The following KLHL7 variants were observed in gnomAD, a reference collection of about 807,000 sequenced individuals.
The protein encoded by KLHL7 is kelch-like protein 7.
KLHL7 carries 44 observed loss-of-function variants against 67.4 expected under a neutral mutation model. The ratio of observed to expected loss-of-function variants is 0.65; its 90% CI spans 0.51 to 0.84. The LOEUF (loss-of-function observed/expected upper bound fraction) is 0.84. Among genes scored for constraint, KLHL7 ranks in the 40% least tolerant of loss-of-function variants. KLHL7 has a pLI of 0.00. For synonymous variants in KLHL7, 252 were observed against 243.3 expected (o/e 1.04, Z -0.33); for missense variants, 362 against 718.1 (o/e 0.50, Z 5.67).
intron 9 of KLHL7, among the ~76,000 whole-genome samples, chr7:23,171,427 T>C (rs1038933234): frequency 2.0e-5 from 3 of 152,206 alleles, no homozygotes; most frequent in Non-Finnish European, 4.4e-5. Context: ...TGATGATAGC[T>C]GAGTCTATAA....
At chr7:23,155,384 C>T (rs1221953302) in intron 7 of KLHL7, among the ~76,000 whole-genome samples, 1 of 151,980 alleles carries the variant, frequency 6.6e-6, no homozygotes, top group Non-Finnish European at 1.5e-5. Context: ...AATTCTAGGC[C>T]AGGCACGGTG....
intron 1 of KLHL7, among the ~76,000 whole-genome samples, chr7:23,120,269 C>A (rs1783279169): frequency 6.6e-6 from 1 of 152,184 alleles, no homozygotes; most frequent in Non-Finnish European, 1.5e-5. Flanking sequence ...CTCGGCCTTC[C>A]AAAGTGTTTG....
chr7:23,127,635 C>T (rs1388261069), intron 4 of KLHL7, among the ~76,000 whole-genome samples: 1 of 151,924 alleles, frequency 6.6e-6, no homozygotes, highest in Non-Finnish European at 1.5e-5. Context: ...CTGATGGAAT[C>T]GGGCAAAGAT....
At chr7:23,168,548 A>T (rs781687940) in intron 9 of KLHL7, among the ~76,000 whole-genome samples, 4 of 152,228 alleles carry the variant, frequency 2.6e-5, no homozygotes, top group Non-Finnish European at 4.4e-5. Flanking sequence ...AGTGTGTCAA[A>T]AAGGTAAAAT....
chr7:23,170,275 G>C (rs1785119780), intron 9 of KLHL7, among the ~76,000 whole-genome samples: 1 of 152,100 alleles, frequency 6.6e-6, no homozygotes. Flanking sequence ...TTTTTAATAA[G>C]AATTTCTTCC....
At chr7:23,140,732 A>C (rs377335055) in intron 4 of KLHL7, 37 bp from the exon 5 acceptor site, 26 of 1,588,934 alleles carry the variant, frequency 1.6e-5, no homozygotes, top group Middle Eastern at 1.7e-4. Context: ...TTTTCTAAAA[A>C]TGATTTTCTA....
chr7:23,139,406 C>A (rs1784102081), intron 4 of KLHL7, among the ~76,000 whole-genome samples: 1 of 152,108 alleles, frequency 6.6e-6, no homozygotes, highest in Non-Finnish European at 1.5e-5. Flanking sequence ...CTGAAGGCAC[C>A]TTTTGTGATT....
At chr7:23,143,551 A>G (rs1217744428) in intron 5 of KLHL7, among the ~76,000 whole-genome samples, 1 of 151,412 alleles carries the variant, frequency 6.6e-6, no homozygotes, top group East Asian at 1.9e-4. Flanking sequence ...TTTCAGTGCA[A>G]TGTATATCAT....
chr7:23,162,647 G>A (rs919401472), intron 7 of KLHL7, among the ~76,000 whole-genome samples: 7 of 152,326 alleles, frequency 4.6e-5, no homozygotes, highest in African/African-American at 1.4e-4. Flanking sequence ...GATGAATGAA[G>A]CCAAAACTGT....
intron 1 of KLHL7, among the ~76,000 whole-genome samples, chr7:23,110,665 G>A (rs1338947051): frequency 6.6e-6 from 1 of 150,856 alleles, no homozygotes; most frequent in South Asian, 2.1e-4. Context: ...TGCACAATGT[G>A]CAGGTTTGTT....
intron 6 of KLHL7, among the ~76,000 whole-genome samples, chr7:23,146,670 T>TCTTCTTC (rs1562577230): frequency 3.9e-5 from 6 of 151,938 alleles, no homozygotes; most frequent in African/African-American, 1.5e-4. Flanking sequence ...CTTCTTCTTT[T>TCTTCTTC]TTTTTTAATT....
At chr7:23,165,101 TGAGTATCCAGA>T (rs1784962361) in intron 7 of KLHL7, among the ~76,000 whole-genome samples, 1 of 152,224 alleles carries the variant, frequency 6.6e-6, no homozygotes, top group Non-Finnish European at 1.5e-5. Flanking sequence ...GGGTGAAAAG[TGAGTATCCAGA>T]GTACTTAGAA....
chr7:23,116,084 C>T (rs1419911983), intron 1 of KLHL7, among the ~76,000 whole-genome samples: 1 of 152,228 alleles, frequency 6.6e-6, no homozygotes, highest in African/African-American at 2.4e-5. Flanking sequence ...TTGTAGCCAG[C>T]AGTTCTGCAG....
At chr7:23,171,756 C>T (rs1343630478) in intron 9 of KLHL7, among the ~76,000 whole-genome samples, 1 of 152,262 alleles carries the variant, frequency 6.6e-6, no homozygotes, top group East Asian at 1.9e-4. Flanking sequence ...GTCGCCCAGG[C>T]TGCAGTGCAG....
intron 6 of KLHL7, among the ~76,000 whole-genome samples, chr7:23,148,396 A>T (rs868100656): frequency 9.2e-4 from 97 of 105,834 alleles, no homozygotes; most frequent in African/African-American, 4.9e-3. Flanking sequence ...CAAGAAAATT[A>T]AAAAAAAAAA....
chr7:23,145,399 G>A lies in KLHL7; in HGVS notation c.793+1374G>A, dbSNP rs187878559. On this transcript the variant is annotated intron_variant, in intron 6 of 10. Transcript: ENST00000339077. ...ATCACTCTAAAGTAGTCTTTGTAGTGCTTTTGAAGTTTTCTTATGTTGTCT... is the reference window on the plus strand; with the variant it reads ...ATCACTCTAAAGTAGTCTTTGTAGTACTTTTGAAGTTTTCTTATGTTGTCT... Among the ~76,000 whole-genome samples the A allele has an allele frequency of 3.4e-3, 512 of 151,738 alleles. 4 individuals are homozygous for A. The highest frequency in any genetic ancestry group is 0.012 in the African/African-American group (484 of 41,386).
rs1785248088 is a variant in KLHL7 at position 23,174,483 on chromosome 7, C to G, written c.*185C>G. On this transcript the variant is annotated 3_prime_UTR_variant, in exon 11 of 11. Transcript: ENST00000339077. ...CCTTAATTCAAAGATCATATTTTAG[C>G]TGGCCACAAAACCAAGAACATATCT... 1.4e-6 allele frequency: 1 copy of G among 719,810 alleles called. No individual in the cohort carries two copies. The highest frequency in any genetic ancestry group is 2.5e-6 in the Non-Finnish European group (1 of 405,208). 44.6% of individuals were successfully genotyped at this position (719,810 alleles called of 1,614,324 possible). A position where few individuals can be genotyped will look rare whatever the true frequency, so the allele number is the denominator to read the frequency against.
chr7:23,155,673 C>A (rs1317450682), intron 7 of KLHL7, among the ~76,000 whole-genome samples: 11 of 149,750 alleles, frequency 7.3e-5, no homozygotes, highest in Non-Finnish European at 1.5e-4. Context: ...AAAAACAAAA[C>A]AAAACAAAAC....
At chr7:23,117,962 A>G in intron 1 of KLHL7, 1 of 1,614,048 alleles carries the variant, frequency 6.2e-7, no homozygotes, top group Admixed American at 1.7e-5. Flanking sequence ...CATAAATCTA[A>G]AGGTTAGTCA....
Sources: gnomAD v4.1 joint callset for allele counts (sites outside exome capture counted in the v4.1 genomes callset) on GRCh38, gnomAD v4.1.1 for gene constraint, MANE v1.5 for transcripts, NCBI Gene and HGNC (gene_info 2026-07-23, HGNC 2026-07-21) for gene names.